Variants in FGF14 observed in about 807,000 individuals in gnomAD.
The protein encoded by FGF14 is fibroblast growth factor homologous factor 4.
In FGF14, 5 loss-of-function variants were observed where a neutral mutation model predicts 25.5. The observed-to-expected ratio is 0.20, with a 90% confidence interval of 0.10 to 0.41. FGF14 has a LOEUF of 0.41. Ranked by LOEUF, FGF14 falls within the 10% of genes least tolerant of loss-of-function variation. FGF14 has a pLI of 1.00. For missense variants in FGF14, 222 were observed against 320.1 expected (o/e 0.69, Z 2.34); for synonymous variants, 138 against 118.3 (o/e 1.17, Z -1.08).
intron 1 of FGF14, among the ~76,000 whole-genome samples, chr13:102,096,871 A>C (rs2044426755): frequency 6.6e-6 from 1 of 152,198 alleles, no homozygotes; most frequent in South Asian, 2.1e-4. Context: ...AATTTAAAAA[A>C]TAAGAAGAAG....
chr13:102,186,973 T>C (rs894690525), intron 1 of FGF14, among the ~76,000 whole-genome samples: 1 of 151,984 alleles, frequency 6.6e-6, no homozygotes, highest in South Asian at 2.1e-4. Context: ...ACATAATCCA[T>C]GGAAAACATA....
chr13:102,275,233 T>C (rs1454465308), intron 1 of FGF14, among the ~76,000 whole-genome samples: 1 of 122,082 alleles, frequency 8.2e-6, no homozygotes, highest in East Asian at 2.7e-4. Context: ...ATTAGGCAGA[T>C]TTCTCTCTCT....
intron 1 of FGF14, among the ~76,000 whole-genome samples, chr13:101,987,541 T>C (rs1371049316): frequency 6.6e-6 from 1 of 152,258 alleles, no homozygotes; most frequent in African/African-American, 2.4e-5. Context: ...ATTTTACAAA[T>C]TTATCTTTTT....
chr13:101,737,940 A>G (rs2036294877), intron 3 of FGF14, among the ~76,000 whole-genome samples: 1 of 152,214 alleles, frequency 6.6e-6, no homozygotes, highest in Admixed American at 6.5e-5. Context: ...GATCAAAAAT[A>G]CCTGTTTAGC....
chr13:102,173,405 C>T (rs545010930), intron 1 of FGF14, among the ~76,000 whole-genome samples: 21 of 152,180 alleles, frequency 1.4e-4, no homozygotes, highest in African/African-American at 4.8e-4. Context: ...CAGCCACTGT[C>T]GAAAACAGCA....
chr13:101,765,970 C>A (rs1451415584), intron 3 of FGF14, among the ~76,000 whole-genome samples: 1 of 152,130 alleles, frequency 6.6e-6, no homozygotes, highest in African/African-American at 2.4e-5. Context: ...CTCAGGTGAT[C>A]TGCCCACCTT....
At chr13:102,101,182 A>C (rs956415320) in intron 1 of FGF14, among the ~76,000 whole-genome samples, 8 of 151,910 alleles carry the variant, frequency 5.3e-5, no homozygotes, top group African/African-American at 1.7e-4. Context: ...TTTCTACTAT[A>C]TCCTGTGCTT....
chr13:102,212,930 C>G (rs1416064182), intron 1 of FGF14, among the ~76,000 whole-genome samples: 3 of 152,192 alleles, frequency 2.0e-5, no homozygotes, highest in African/African-American at 4.8e-5. Context: ...TCCCCACCCC[C>G]CACAGTGCAA....
intron 1 of FGF14, among the ~76,000 whole-genome samples, chr13:102,254,850 T>C (rs2052362501): frequency 6.6e-6 from 1 of 152,206 alleles, no homozygotes; most frequent in South Asian, 2.1e-4. Flanking sequence ...CCTGGAGACC[T>C]GGAGAAAATA....
intron 1 of FGF14, among the ~76,000 whole-genome samples, chr13:102,157,720 C>A (rs1203218288): frequency 6.6e-6 from 1 of 152,148 alleles, no homozygotes; most frequent in Non-Finnish European, 1.5e-5. Flanking sequence ...AGCTTCTGTT[C>A]AGAGTGAATA....
In FGF14 at chr13:101,728,762, A is replaced by G. The variant is rs149503314; in HGVS notation, c.409-1952T>C. Among the ~76,000 whole-genome samples the G allele has an allele frequency of 3.5e-4, 53 of 152,276 alleles. 1 individual carries two copies. Among genetic ancestry groups the G allele is most frequent in the African/African-American group, 1.1e-3 (45 of 41,568 alleles). On this transcript the variant is annotated intron_variant, in intron 3 of 4. Transcript: ENST00000376143. ...TGAGAGCTGACTTAGTGGGTCACTT[A>G]GTGGAAGTCAGGGGAATCTGGCTCT...
intron 1 of FGF14, among the ~76,000 whole-genome samples, chr13:101,949,550 T>C (rs2036025743): frequency 6.6e-6 from 1 of 152,088 alleles, no homozygotes; most frequent in South Asian, 2.1e-4. Flanking sequence ...AGAAAAGAAA[T>C]TCAGTAAAGG....
chr13:101,999,783 C>T (rs990732786), intron 1 of FGF14, among the ~76,000 whole-genome samples: 6 of 152,040 alleles, frequency 3.9e-5, no homozygotes, highest in African/African-American at 7.2e-5. Flanking sequence ...ATCATATATA[C>T]GATAAGTGAA....
chr13:101,928,659 G>T (rs2034538871), intron 1 of FGF14, among the ~76,000 whole-genome samples: 1 of 152,012 alleles, frequency 6.6e-6, no homozygotes, highest in South Asian at 2.1e-4. Context: ...ACACACTGAG[G>T]CCCATGGAGG....
upstream of FGF14, among the ~76,000 whole-genome samples, chr13:101,921,302 G>C (rs76574360): frequency 0.039 from 5,996 of 152,154 alleles, 420 homozygotes; most frequent in African/African-American, 0.14. Context: ...AGCAATTGTT[G>C]AATAAAGAGA....
intron 1 of FGF14, among the ~76,000 whole-genome samples, chr13:101,964,179 A>G (rs2139480490): frequency 6.6e-6 from 1 of 152,270 alleles, no homozygotes; most frequent in Admixed American, 6.5e-5. Flanking sequence ...AGTTCAATGT[A>G]TTAAATATAT....
At chr13:102,146,259 T>C (rs1405439781) in intron 1 of FGF14, among the ~76,000 whole-genome samples, 3 of 152,226 alleles carry the variant, frequency 2.0e-5, no homozygotes, top group African/African-American at 7.2e-5. Context: ...TGGTAGGACC[T>C]TGAAGAAGTC....
At chr13:101,726,927 C>T (rs1473725096) in intron 3 of FGF14, 117 bp from the exon 4 acceptor site, 12 of 703,734 alleles carry the variant, frequency 1.7e-5, no homozygotes, top group Middle Eastern at 3.9e-4. Context: ...CATGGAGGAC[C>T]GGATATACCC....
At chr13:102,129,421 C>T (rs1213752194) in intron 1 of FGF14, among the ~76,000 whole-genome samples, 3 of 152,014 alleles carry the variant, frequency 2.0e-5, no homozygotes, top group Admixed American at 6.6e-5. Flanking sequence ...ACAGAGTGGA[C>T]GAGCGTTGAA....
Sources: gnomAD v4.1 joint callset for allele counts (sites outside exome capture counted in the v4.1 genomes callset) on GRCh38, gnomAD v4.1.1 for gene constraint, MANE v1.5 for transcripts, NCBI Gene and HGNC (gene_info 2026-07-23, HGNC 2026-07-21) for gene names.